The following RSU1 variants were observed in gnomAD, a reference collection of about 807,000 sequenced individuals.
RSU1 encodes rsu-1.
Under a neutral mutation model 31.1 loss-of-function variants are expected in RSU1, and 26 were observed. That is an observed-to-expected ratio of 0.84 (90% CI 0.61 to 1.16). The LOEUF is 1.16. RSU1 is among the 50% of genes most tolerant of loss of function. The pLI is 0.00. For missense variants in RSU1, 320 were observed against 339.1 expected (o/e 0.94, Z 0.44); for synonymous variants, 164 against 136.3 (o/e 1.20, Z -1.41).
At chr10:16,773,395 GAA>G (rs1564352211) in intron 3 of RSU1, among the ~76,000 whole-genome samples, 2 of 151,998 alleles carry the variant, frequency 1.3e-5, no homozygotes, top group East Asian at 3.9e-4. Context: ...CATTCCCTTC[GAA>G]ATAACCCAAC....
At chr10:16,794,618 A>G (rs946423874) in intron 2 of RSU1, among the ~76,000 whole-genome samples, 1 of 152,268 alleles carries the variant, frequency 6.6e-6, no homozygotes, top group Non-Finnish European at 1.5e-5. Context: ...AGATAAGAAA[A>G]CAGTGGGCCA....
At chr10:16,791,635 CAAA>C (rs553951655) in intron 2 of RSU1, among the ~76,000 whole-genome samples, 29 of 98,482 alleles carry the variant, frequency 2.9e-4, no homozygotes, top group South Asian at 3.5e-4. Context: ...CTCAAAAAAA[CAAA>C]AAAAAAAAAA....
At chr10:16,816,380 A>C (rs1170200629) in intron 2 of RSU1, among the ~76,000 whole-genome samples, 2 of 152,190 alleles carry the variant, frequency 1.3e-5, no homozygotes, top group East Asian at 3.9e-4. Context: ...GTAACACCAT[A>C]GACAGGGGTT....
chr10:16,764,887 T>A lies in RSU1; in HGVS notation c.161-377A>T, dbSNP rs183032452. Among the ~76,000 whole-genome samples the A allele has an allele frequency of 1.2e-4, 19 of 152,142 alleles. No homozygotes were observed. In the East Asian group the frequency reaches 3.7e-3, roughly 29 times the overall value. ...ATACGATCTTCTAAGTGCAACTTTTTTTTTCCTTTTGGTTTTCTTGCATTG... is the reference window on the plus strand; with the variant it reads ...ATACGATCTTCTAAGTGCAACTTTTATTTTCCTTTTGGTTTTCTTGCATTG... On this transcript the variant is annotated intron_variant, in intron 3 of 8. Transcript: ENST00000345264.
At chr10:16,753,680 C>T (rs144640516) in intron 5 of RSU1, among the ~76,000 whole-genome samples, 7 of 152,296 alleles carry the variant, frequency 4.6e-5, no homozygotes, top group African/African-American at 7.2e-5. Flanking sequence ...AATGATAATA[C>T]GATTCCAACC....
At chr10:16,730,936 G>A (rs1289912029) in intron 7 of RSU1, among the ~76,000 whole-genome samples, 1 of 151,970 alleles carries the variant, frequency 6.6e-6, no homozygotes, top group Non-Finnish European at 1.5e-5. Flanking sequence ...CGATTCTTGT[G>A]CCTCAGTCTC....
intron 2 of RSU1, among the ~76,000 whole-genome samples, chr10:16,784,553 C>A (rs1837731473): frequency 6.6e-6 from 1 of 152,110 alleles, no homozygotes; most frequent in African/African-American, 2.4e-5. Context: ...CCTGTTCTCA[C>A]GCTGCTAGTA....
chr10:16,797,335 A>G (rs1398164423), intron 2 of RSU1, among the ~76,000 whole-genome samples: 1 of 152,250 alleles, frequency 6.6e-6, no homozygotes, highest in Non-Finnish European at 1.5e-5. Flanking sequence ...AAGTGGGCAG[A>G]AGGACTGAAC....
At chr10:16,612,418 G>A (rs1833907031) in intron 8 of RSU1, among the ~76,000 whole-genome samples, 1 of 152,148 alleles carries the variant, frequency 6.6e-6, no homozygotes, top group Admixed American at 6.5e-5. Flanking sequence ...ATTCTGCCTG[G>A]AGGAAGGTGC....
At chr10:16,687,474 T>C (rs1312090367) in intron 8 of RSU1, among the ~76,000 whole-genome samples, 3 of 152,154 alleles carry the variant, frequency 2.0e-5, no homozygotes, top group African/African-American at 7.2e-5. Flanking sequence ...ACTAGTTACC[T>C]GTGAAGTATA....
chr10:16,753,038 G>A (rs372021170), intron 5 of RSU1, 38 bp from the exon 6 acceptor site: 20 of 1,516,460 alleles, frequency 1.3e-5, no homozygotes, highest in Non-Finnish European at 1.7e-5. Context: ...AGGGTGGCAT[G>A]GAACACAACC....
At chr10:16,599,546 G>A (rs1362755410) in intron 8 of RSU1, among the ~76,000 whole-genome samples, 1 of 152,170 alleles carries the variant, frequency 6.6e-6, no homozygotes, top group East Asian at 1.9e-4. Flanking sequence ...CCTGAACGAT[G>A]TGTGCCCTGG....
At chr10:16,626,006 G>A (rs1442246678) in intron 8 of RSU1, among the ~76,000 whole-genome samples, 1 of 152,028 alleles carries the variant, frequency 6.6e-6, no homozygotes, top group Non-Finnish European at 1.5e-5. Flanking sequence ...GCAAGAGATG[G>A]GATGGGCGCT....
chr10:16,702,607 T>C (rs1161033849), intron 7 of RSU1, among the ~76,000 whole-genome samples: 1 of 152,234 alleles, frequency 6.6e-6, no homozygotes, highest in Non-Finnish European at 1.5e-5. Flanking sequence ...CTGTAGCCCC[T>C]TTCTTTTGGC....
At chr10:16,716,282 G>T (rs1836138649) in intron 7 of RSU1, among the ~76,000 whole-genome samples, 1 of 152,178 alleles carries the variant, frequency 6.6e-6, no homozygotes, top group African/African-American at 2.4e-5. Flanking sequence ...AGTGTAGCAG[G>T]ACTACGATGT....
intron 8 of RSU1, among the ~76,000 whole-genome samples, chr10:16,661,286 G>A (rs1042613431): frequency 9.4e-6 from 1 of 106,044 alleles, no homozygotes; most frequent in East Asian, 2.4e-4. Context: ...TGTAGAGAGT[G>A]CGTGTGTGTG....
intron 8 of RSU1, among the ~76,000 whole-genome samples, chr10:16,657,653 G>A (rs1037285292): frequency 6.6e-6 from 1 of 152,026 alleles, no homozygotes; most frequent in Non-Finnish European, 1.5e-5. Context: ...CAGCTGCCCC[G>A]GAGGTTATGC....
At chr10:16,614,532 C>G (rs1833943830) in intron 8 of RSU1, among the ~76,000 whole-genome samples, 1 of 152,018 alleles carries the variant, frequency 6.6e-6, no homozygotes, top group Non-Finnish European at 1.5e-5. Context: ...GTAACAAAGA[C>G]AAATGCTCAA....
chr10:16,759,728 AAAATAACTCTATG>A (rs925326586), intron 4 of RSU1, among the ~76,000 whole-genome samples: 3 of 152,238 alleles, frequency 2.0e-5, no homozygotes, highest in Non-Finnish European at 4.4e-5. Flanking sequence ...CACTTTTTGG[AAAATAACTCTATG>A]AAATAAACCG....
Sources: gnomAD v4.1 joint callset for allele counts (sites outside exome capture counted in the v4.1 genomes callset) on GRCh38, gnomAD v4.1.1 for gene constraint, MANE v1.5 for transcripts, NCBI Gene and HGNC (gene_info 2026-07-23, HGNC 2026-07-21) for gene names.